Variants in SCG3 observed in about 807,000 individuals in gnomAD.
The protein encoded by SCG3 is secretogranin-3.
SCG3 carries 38 observed loss-of-function variants against 56.2 expected under a neutral mutation model. The ratio of observed to expected loss-of-function variants is 0.68; its 90% CI spans 0.52 to 0.89. The LOEUF is 0.89. Among genes scored for constraint, SCG3 ranks in the 40% least tolerant of loss-of-function variants. The pLI is 0.00. For missense variants in SCG3, 524 were observed against 540.7 expected (o/e 0.97, Z 0.31); for synonymous variants, 176 against 184.2 (o/e 0.96, Z 0.36).
intron 6 of SCG3, 45 bp from the exon 7 acceptor site, chr15:51,692,114 G>T: frequency 6.5e-7 from 1 of 1,543,258 alleles, no homozygotes; most frequent in Non-Finnish European, 8.8e-7. Context: ...AGTTTCACTA[G>T]TTCTAACAAA....
At chr15:51,696,341 A>G (rs2055303590) in intron 8 of SCG3, among the ~76,000 whole-genome samples, 1 of 152,156 alleles carries the variant, frequency 6.6e-6, no homozygotes, top group African/African-American at 2.4e-5. Context: ...CCTGAGGCCA[A>G]GAGTTCGAGA....
intron 1 of SCG3, among the ~76,000 whole-genome samples, chr15:51,682,140 C>T (rs1397209166): frequency 6.6e-6 from 1 of 152,114 alleles, no homozygotes; most frequent in African/African-American, 2.4e-5. Flanking sequence ...CTTTCTCAGA[C>T]AGTCTATTCA....
intron 4 of SCG3, 123 bp from the exon 5 acceptor site, chr15:51,688,137 C>T: frequency 1.1e-6 from 1 of 917,124 alleles, no homozygotes; most frequent in Non-Finnish European, 1.5e-6. Flanking sequence ...GACCGAGAAC[C>T]ACCATAAATA....
intron 10 of SCG3, chr15:51,708,279 AAAGAG>A (rs1278803368): frequency 6.6e-6 from 1 of 152,260 alleles, no homozygotes; most frequent in Non-Finnish European, 1.5e-5. Flanking sequence ...CAGCTCCTGC[AAAGAG>A]AAAAGTCAAT....
chr15:51,687,918 T>G, intron 4 of SCG3, among the ~76,000 whole-genome samples: 1 of 152,212 alleles, frequency 6.6e-6, no homozygotes, highest in South Asian at 2.1e-4. Context: ...TTGAATAATA[T>G]GACATGCTAT....
chr15:51,712,184 CA>C (rs1337542831), intron 10 of SCG3, among the ~76,000 whole-genome samples: 1 of 152,164 alleles, frequency 6.6e-6, no homozygotes, highest in Non-Finnish European at 1.5e-5. Flanking sequence ...GAGCATAAAG[CA>C]GTCCCCAGTA....
At chr15:51,714,888 A>G (rs930749660) in intron 11 of SCG3, among the ~76,000 whole-genome samples, 1 of 152,196 alleles carries the variant, frequency 6.6e-6, no homozygotes, top group Non-Finnish European at 1.5e-5. Flanking sequence ...CATGAACCAT[A>G]TTTCATCGAA....
rs1133878 is a variant in SCG3 at position 51,720,904 on chromosome 15, G to A, written c.*1378G>A. ...TCTGATAGGGCAAAAACGGAACATG[G>A]GAGGGGACAAATAAGGGAATAAAAT... On this transcript the variant is annotated 3_prime_UTR_variant, in exon 12 of 12. Transcript: ENST00000220478. 0.35 allele frequency: 59,820 copies of A among 168,838 alleles called. 11,252 individuals carry two copies. Among genetic ancestry groups the A allele is most frequent in the Non-Finnish European group, 0.41 (33,255 of 81,736 alleles). 10.5% of individuals were successfully genotyped at this position (168,838 alleles called of 1,614,324 possible).
chr15:51,698,678 C>A (rs531299789), intron 8 of SCG3, among the ~76,000 whole-genome samples: 1 of 152,348 alleles, frequency 6.6e-6, no homozygotes, highest in South Asian at 2.1e-4. Flanking sequence ...CTCATCCCAT[C>A]TCACAGCTCT....
At chr15:51,690,841 A>C (rs1452481760) in intron 6 of SCG3, among the ~76,000 whole-genome samples, 4 of 152,198 alleles carry the variant, frequency 2.6e-5, no homozygotes, top group African/African-American at 7.2e-5. Context: ...ATGAAATATT[A>C]TTTCAACAAA....
chr15:51,712,076 A>C (rs2055424380), intron 10 of SCG3, among the ~76,000 whole-genome samples: 1 of 152,200 alleles, frequency 6.6e-6, no homozygotes, highest in Non-Finnish European at 1.5e-5. Context: ...TTATGACTTT[A>C]TGTCTCTGTG....
chr15:51,710,572 A>G (rs1170390261), intron 10 of SCG3, among the ~76,000 whole-genome samples: 2 of 152,124 alleles, frequency 1.3e-5, no homozygotes, highest in Non-Finnish European at 2.9e-5. Context: ...GCCTAATACA[A>G]TAATGCTGAG....
At chr15:51,685,793 C>T (rs1432954580) in intron 4 of SCG3, among the ~76,000 whole-genome samples, 4 of 152,198 alleles carry the variant, frequency 2.6e-5, no homozygotes, top group African/African-American at 9.6e-5. Context: ...TCAGTGTTTT[C>T]TATAGTATGC....
At position 51,701,220 on chromosome 15, in the gene SCG3, G is replaced by A. The variant is rs1327904966; in HGVS notation, c.1183G>A (p.Gly395Arg). The change falls in exon 10 of 12, where the codon GGA becomes AGA. Residue 395 changes from glycine (G) to arginine (R), a missense_variant. Coordinates refer to ENST00000220478, the MANE Select transcript of SCG3 (RefSeq NM_013243.4). ...CACAAAAGATGATAACTCCAACCCA[G>A]GAGGAAAGACAGATGAACCCAAAGG... ...DSTKDDNSNP[G>R]GKTDEPKGKT... is the part of the protein sequence containing the mutation. The A allele has an allele frequency of 6.2e-7, 1 of 1,605,518 alleles. No homozygotes were observed. Among genetic ancestry groups the A allele is most frequent in the African/African-American group, 1.3e-5 (1 of 74,330 alleles).
chr15:51,689,070 G>A (rs1262158835), intron 5 of SCG3, 149 bp from the exon 6 acceptor site: 3 of 786,940 alleles, frequency 3.8e-6, no homozygotes, highest in Non-Finnish European at 4.2e-6. Flanking sequence ...GCCAGCATGT[G>A]GTGCAGGCGT....
At chr15:51,703,510 G>A (rs1245830641) in intron 10 of SCG3, among the ~76,000 whole-genome samples, 1 of 152,142 alleles carries the variant, frequency 6.6e-6, no homozygotes, top group Non-Finnish European at 1.5e-5. Context: ...TGGGCAGTGG[G>A]AGCTCCCTAA....
intron 10 of SCG3, among the ~76,000 whole-genome samples, chr15:51,702,597 A>G (rs977741766): frequency 1.3e-5 from 2 of 152,124 alleles, no homozygotes; most frequent in South Asian, 2.1e-4. Flanking sequence ...ACCCCCAAAG[A>G]AAAAGACTCA....
chr15:51,695,696 G>A (rs2055298140), intron 7 of SCG3, 179 bp from the exon 8 acceptor site: 1 of 552,300 alleles, frequency 1.8e-6, no homozygotes, highest in African/African-American at 1.9e-5. Flanking sequence ...ACTGTAGTGA[G>A]CCATGATCAG....
intron 10 of SCG3, among the ~76,000 whole-genome samples, chr15:51,710,511 T>C (rs894049620): frequency 2.0e-5 from 3 of 152,214 alleles, no homozygotes; most frequent in Non-Finnish European, 4.4e-5. Context: ...TTACATACTT[T>C]TTAAAATTCC....
Sources: allele counts gnomAD v4.1 joint callset (sites outside exome capture counted in the v4.1 genomes callset), GRCh38; gene constraint gnomAD v4.1.1; transcripts MANE v1.5; gene names NCBI Gene and HGNC (gene_info 2026-07-23, HGNC 2026-07-21).